MND1: variants seen among roughly 807,000 people sequenced by gnomAD.
The protein encoded by MND1 is meiotic nuclear divisions 1, also known as meiotic nuclear division protein 1 homolog.
In MND1, 28 loss-of-function variants were observed where a neutral mutation model predicts 35.1. That is an observed-to-expected ratio of 0.80 (90% CI 0.59 to 1.09). The LOEUF (loss-of-function observed/expected upper bound fraction) is 1.09. MND1 is among the 50% of genes least tolerant of loss of function. The pLI, the probability that MND1 is intolerant of heterozygous loss-of-function variation, is 0.00. For missense variants in MND1, 213 were observed against 239.6 expected, an observed-to-expected ratio of 0.89 and a Z score of 0.73; for synonymous variants, 69 against 70.5, an observed-to-expected ratio of 0.98 and a Z score of 0.11.
chr4:153,409,094 T>G, intron 7 of MND1, 79 bp downstream of exon 7: 1 of 805,478 alleles, frequency 1.2e-6, no homozygotes, highest in East Asian at 3.5e-5. Context: ...AGATACCTTG[T>G]GCTAGCTTTG....
intron 3 of MND1, among the ~76,000 whole-genome samples, chr4:153,358,096 T>A (rs1287677862): frequency 6.6e-6 from 1 of 152,200 alleles, no homozygotes; most frequent in Non-Finnish European, 1.5e-5. Flanking sequence ...ACATTACTGC[T>A]ATGCACCAAA....
chr4:153,398,847 A>G (rs1729269618), intron 6 of MND1, among the ~76,000 whole-genome samples: 1 of 152,218 alleles, frequency 6.6e-6, no homozygotes, highest in African/African-American at 2.4e-5. Flanking sequence ...TCACAACAGG[A>G]GAGTACCTCA....
chr4:153,358,348 T>G (rs1331637417), intron 3 of MND1, 126 bp from the exon 4 acceptor site: 1 of 730,734 alleles, frequency 1.4e-6, no homozygotes, highest in Non-Finnish European at 2.1e-6. Flanking sequence ...TTGTTATTTT[T>G]AAGAGCTTAT....
intron 4 of MND1, among the ~76,000 whole-genome samples, chr4:153,390,242 A>G (rs1728982636): frequency 6.6e-6 from 1 of 152,168 alleles, no homozygotes. Context: ...GTTTGTTTCC[A>G]GTGGTTGGGA....
At chr4:153,357,009 G>A (rs1773362707) in intron 3 of MND1, among the ~76,000 whole-genome samples, 1 of 152,092 alleles carries the variant, frequency 6.6e-6, no homozygotes, top group South Asian at 2.1e-4. Context: ...TTTTAGTAGA[G>A]ATGGGGATTT....
chr4:153,357,503 G>C (rs1041041719), intron 3 of MND1, among the ~76,000 whole-genome samples: 1 of 152,150 alleles, frequency 6.6e-6, no homozygotes, highest in Non-Finnish European at 1.5e-5. Context: ...TCATTAAGTG[G>C]CAGTGGATCA....
At chr4:153,358,998 T>G (rs1773414095) in intron 4 of MND1, among the ~76,000 whole-genome samples, 1 of 152,246 alleles carries the variant, frequency 6.6e-6, no homozygotes, top group Non-Finnish European at 1.5e-5. Context: ...ATTGACATCC[T>G]ATACTAGTGT....
chr4:153,354,291 T>C lies in MND1; in HGVS notation c.70-1363T>C, dbSNP rs573776268. ...GTATAATTTCCCTATTGTTTAGGTA[T>C]AGCTCTTCCATGAAACCTTAAATGT... On this transcript the variant is annotated intron_variant, in intron 2 of 7. Transcript: ENST00000240488. Among the ~76,000 whole-genome samples, 22 of 152,346 alleles carry C rather than the reference T, an allele frequency of 1.4e-4. No homozygotes were observed. In the South Asian group the frequency reaches 4.3e-3, roughly 30 times the overall value.
At chr4:153,360,745 A>G (rs1434530759) in intron 4 of MND1, among the ~76,000 whole-genome samples, 1 of 147,488 alleles carries the variant, frequency 6.8e-6, no homozygotes, top group African/African-American at 2.5e-5. Flanking sequence ...GTGTATATGT[A>G]TATACACATA....
intron 6 of MND1, among the ~76,000 whole-genome samples, chr4:153,397,931 A>G (rs759365955): frequency 3.8e-4 from 36 of 93,528 alleles, no homozygotes; most frequent in Non-Finnish European, 8.2e-4. Context: ...GACATAAAAT[A>G]TAAGGTTAGA....
intron 4 of MND1, among the ~76,000 whole-genome samples, chr4:153,385,132 A>G (rs372225814): frequency 6.6e-6 from 1 of 152,236 alleles, no homozygotes; most frequent in East Asian, 1.9e-4. Context: ...TAGGTACTTT[A>G]TAAATGCTTA....
intron 4 of MND1, among the ~76,000 whole-genome samples, chr4:153,390,728 G>A (rs978579947): frequency 7.9e-5 from 12 of 151,950 alleles, no homozygotes; most frequent in African/African-American, 2.9e-4. Flanking sequence ...TGTGTCTGTG[G>A]TTCCAGCTAC....
At chr4:153,353,417 A>ATATT (rs1276430990) in intron 2 of MND1, among the ~76,000 whole-genome samples, 2 of 79,692 alleles carry the variant, frequency 2.5e-5, no homozygotes, top group East Asian at 6.3e-4. Flanking sequence ...ATATATATAT[A>ATATT]TATATATATA....
At chr4:153,360,652 A>G (rs942856224) in intron 4 of MND1, among the ~76,000 whole-genome samples, 5 of 118,184 alleles carry the variant, frequency 4.2e-5, no homozygotes, top group Non-Finnish European at 5.1e-5. Context: ...ACACAAAAAT[A>G]TATAAATATT....
At chr4:153,356,505 A>G (rs1381471483) in intron 3 of MND1, among the ~76,000 whole-genome samples, 1 of 135,970 alleles carries the variant, frequency 7.4e-6, no homozygotes, top group African/African-American at 2.7e-5. Flanking sequence ...GTGAGCCGAG[A>G]TCGCGCCACT....
At chr4:153,409,404 G>T (rs1729619712) in intron 7 of MND1, among the ~76,000 whole-genome samples, 2 of 118,622 alleles carry the variant, frequency 1.7e-5, no homozygotes. Context: ...AAGGTTTGTT[G>T]AGGACTATTT....
At chr4:153,382,532 T>C (rs1728739220) in intron 4 of MND1, among the ~76,000 whole-genome samples, 1 of 152,200 alleles carries the variant, frequency 6.6e-6, no homozygotes, top group African/African-American at 2.4e-5. Flanking sequence ...AAAGTAAGAG[T>C]ATTATTCTCT....
chr4:153,379,996 G>A (rs1207139970), intron 4 of MND1, among the ~76,000 whole-genome samples: 2 of 151,878 alleles, frequency 1.3e-5, no homozygotes, highest in Non-Finnish European at 2.9e-5. Context: ...ATTTCAGTCT[G>A]GGCAACAAAG....
At chr4:153,374,133 G>A (rs1370849477) in intron 4 of MND1, among the ~76,000 whole-genome samples, 1 of 152,140 alleles carries the variant, frequency 6.6e-6, no homozygotes, top group African/African-American at 2.4e-5. Flanking sequence ...GTTGTAGTGA[G>A]GATTAAGTGG....
Sources: gnomAD v4.1 joint callset for allele counts (sites outside exome capture counted in the v4.1 genomes callset) on GRCh38, gnomAD v4.1.1 for gene constraint, MANE v1.5 for transcripts, NCBI Gene and HGNC (gene_info 2026-07-23, HGNC 2026-07-21) for gene names.